AMZ2: variants seen among roughly 807,000 people sequenced by gnomAD.
AMZ2 encodes the protein archaelysin family metallopeptidase 2.
AMZ2 carries 26 observed loss-of-function variants against 36.7 expected under a neutral mutation model. The observed-to-expected ratio is 0.71, with a 90% CI of 0.52 to 0.98. The LOEUF is 0.98. Among genes scored for constraint, AMZ2 ranks in the 50% least tolerant of loss-of-function variants. The probability of loss-of-function intolerance (pLI) is 0.00; values close to 1 mark genes in which losing one functional copy is unlikely to be tolerated. For missense variants in AMZ2, 394 were observed against 430.5 expected, an observed-to-expected ratio of 0.92 and a Z score of 0.75; for synonymous variants, 144 against 149.1, an observed-to-expected ratio of 0.97 and a Z score of 0.25.
At chr17:68,241,225 A>T (rs1211264144) in intron 1 of AMZ2, among the ~76,000 whole-genome samples, 1 of 152,240 alleles carries the variant, frequency 6.6e-6, no homozygotes. Context: ...AATGAGGCAC[A>T]TGCATATTAT....
At chr17:68,220,372 CAT>C (rs1327067037) in intron 1 of AMZ2, among the ~76,000 whole-genome samples, 1 of 152,084 alleles carries the variant, frequency 6.6e-6, no homozygotes, top group African/African-American at 2.4e-5. Flanking sequence ...TCGGTCATCA[CAT>C]GTGTAACTAT....
chr17:68,238,143 G>A (rs1173981916), intron 1 of AMZ2, among the ~76,000 whole-genome samples: 2 of 152,144 alleles, frequency 1.3e-5, no homozygotes, highest in Non-Finnish European at 2.9e-5. Context: ...TCACCAAGAG[G>A]ATCACAGCAT....
intron 4 of AMZ2, among the ~76,000 whole-genome samples, chr17:68,252,821 G>C (rs1368955621): frequency 6.6e-6 from 1 of 152,188 alleles, no homozygotes; most frequent in South Asian, 2.1e-4. Flanking sequence ...ACCACACCCA[G>C]CTAAAAAAAT....
intron 1 of AMZ2, among the ~76,000 whole-genome samples, chr17:68,231,815 T>G (rs73343453): frequency 0.06 from 9,140 of 152,144 alleles, 485 homozygotes; most frequent in Admixed American, 0.13. Flanking sequence ...GGTGGTCAGG[T>G]TTTACAAATA....
intron 1 of AMZ2, among the ~76,000 whole-genome samples, chr17:68,227,198 A>G (rs1438163631): frequency 1.3e-5 from 2 of 152,270 alleles, no homozygotes; most frequent in South Asian, 4.1e-4. Flanking sequence ...AGCCTTTGTC[A>G]CAGACCTGCT....
At chr17:68,245,406 T>C (rs1568366340), upstream of AMZ2, among the ~76,000 whole-genome samples, 1 of 151,650 alleles carries the variant, frequency 6.6e-6, no homozygotes, top group Non-Finnish European at 1.5e-5. Context: ...CCTGGCTTTT[T>C]TTTTTTCTTT....
chr17:68,238,863 T>TC (rs1350998509), intron 1 of AMZ2, among the ~76,000 whole-genome samples: 1 of 152,222 alleles, frequency 6.6e-6, no homozygotes, highest in Non-Finnish European at 1.5e-5. Context: ...CCTAGTGGAC[T>TC]AAAAGATTTC....
chr17:68,210,135 A>G (rs2072997012), intron 1 of AMZ2, among the ~76,000 whole-genome samples: 1 of 152,234 alleles, frequency 6.6e-6, no homozygotes, highest in Non-Finnish European at 1.5e-5. Context: ...GCAGTTACTC[A>G]AAAAGTTAAA....
intron 1 of AMZ2, among the ~76,000 whole-genome samples, chr17:68,242,705 G>A (rs1422066961): frequency 2.1e-4 from 32 of 152,132 alleles, no homozygotes; most frequent in East Asian, 9.6e-4. Flanking sequence ...GAGCCACCGT[G>A]CCCAACCAAG....
intron 1 of AMZ2, among the ~76,000 whole-genome samples, chr17:68,232,870 C>G (rs2073698701): frequency 6.6e-6 from 1 of 152,190 alleles, no homozygotes; most frequent in Admixed American, 6.5e-5. Flanking sequence ...TCATTCTCCT[C>G]AACACCATCT....
At chr17:68,230,126 G>A (rs782094208) in intron 1 of AMZ2, among the ~76,000 whole-genome samples, 14 of 152,154 alleles carry the variant, frequency 9.2e-5, no homozygotes, top group Non-Finnish European at 2.9e-5. Context: ...AGGTTGGAGT[G>A]CAGTGGCGTG....
chr17:68,246,383 A>G (rs781977868), upstream of AMZ2, among the ~76,000 whole-genome samples: 5 of 151,946 alleles, frequency 3.3e-5, no homozygotes, highest in Non-Finnish European at 5.9e-5. Flanking sequence ...ATAATAATAA[A>G]AAAAGATGTG....
In AMZ2 at chr17:68,256,912, A is replaced by C. The variant is rs1195915955; in HGVS notation, c.1026A>C (p.Glu342Asp). ...EDNGNLPKPV[E>D]AFKEWKEWII... Reference sequence around the variant, plus strand: ...ATGGGAATTTACCGAAACCCGTGGAAGCCTTTAAGGAATGGAAAGAGTGGA... The same window carrying C: ...ATGGGAATTTACCGAAACCCGTGGACGCCTTTAAGGAATGGAAAGAGTGGA... Residue 342 changes from glutamate to aspartate, a missense_variant, in exon 7 of 7, where the codon GAA becomes GAC. Physicochemically the swap from Glu to Asp is conservative, Grantham distance 45. Coordinates refer to ENST00000359904, the MANE Select transcript of AMZ2 (RefSeq NM_016627.5). The C allele has an allele frequency of 1.9e-6, 3 of 1,614,110 alleles. No individual in the cohort carries two copies. The East Asian group carries it at 6.7e-5, about 36-fold the overall frequency.
At chr17:68,234,582 G>A (rs2073742938) in intron 1 of AMZ2, among the ~76,000 whole-genome samples, 1 of 151,918 alleles carries the variant, frequency 6.6e-6, no homozygotes, top group African/African-American at 2.4e-5. Context: ...TTAATATAGT[G>A]AGACATCTAT....
At chr17:68,215,502 C>T (rs1555727024) in intron 1 of AMZ2, among the ~76,000 whole-genome samples, 2 of 136,766 alleles carry the variant, frequency 1.5e-5, no homozygotes, top group Non-Finnish European at 3.3e-5. Context: ...TGCAATGAGC[C>T]GAGATGGAGC....
chr17:68,256,210 C>T (rs1432810915), intron 6 of AMZ2, among the ~76,000 whole-genome samples: 1 of 152,096 alleles, frequency 6.6e-6, no homozygotes, highest in African/African-American at 2.4e-5. Flanking sequence ...AGTGTGTGGA[C>T]AGGATTTACC....
chr17:68,218,873 A>G lies in AMZ2; in HGVS notation c.-67+12635A>G, dbSNP rs2073270315. ...TGCTATGCCTTTAAAATAAATATTG[A>G]ATCAGTTTCTCTCCATTCCCACTGT... On this transcript the variant is annotated intron_variant, in intron 1 of 7. Transcript: ENST00000674770. Among the ~76,000 whole-genome samples the G allele has an allele frequency of 2.0e-5, 3 of 152,212 alleles. No homozygotes were observed. In the South Asian group the frequency reaches 6.2e-4, roughly 32 times the overall value.
At chr17:68,211,171 G>C (rs2073034019) in intron 1 of AMZ2, among the ~76,000 whole-genome samples, 1 of 152,076 alleles carries the variant, frequency 6.6e-6, no homozygotes, top group African/African-American at 2.4e-5. Flanking sequence ...GTTGAGTAGG[G>C]CCAGTGATTC....
intron 1 of AMZ2, among the ~76,000 whole-genome samples, chr17:68,219,939 T>A (rs1482796595): frequency 6.6e-6 from 1 of 152,208 alleles, no homozygotes; most frequent in Non-Finnish European, 1.5e-5. Flanking sequence ...TTAAGCTCTT[T>A]GAGTGCCCAT....
Sources: allele counts gnomAD v4.1 joint callset (sites outside exome capture counted in the v4.1 genomes callset), GRCh38; gene constraint gnomAD v4.1.1; transcripts MANE v1.5; gene names NCBI Gene and HGNC (gene_info 2026-07-23, HGNC 2026-07-21).